NOTCH2NLR: variants seen among roughly 807,000 people sequenced by gnomAD.
NOTCH2NLR encodes the protein notch 2 N-terminal like R (pseudogene).
Under a neutral mutation model 35.6 loss-of-function variants are expected in NOTCH2NLR, and 33 were observed. That is an observed-to-expected ratio of 0.93 (90% CI 0.70 to 1.24). NOTCH2NLR has a LOEUF of 1.24. Ranked by LOEUF, NOTCH2NLR falls within the 50% of genes most tolerant of loss-of-function variation. The pLI is 0.00. For synonymous variants in NOTCH2NLR, 103 were observed against 141.0 expected, an observed-to-expected ratio of 0.73 and a Z score of 1.91; for missense variants, 276 against 362.2, an observed-to-expected ratio of 0.76 and a Z score of 1.93.
rs1394297645 is a variant in NOTCH2NLR, at chr1:120,785,033, G to A, written c.215G>A (p.Arg72His). 71 of 1,439,744 alleles carry A rather than the reference G, an allele frequency of 4.9e-5. 17 individuals carry two copies. The highest frequency in any genetic ancestry group is 1.8e-4 in the Middle Eastern group (1 of 5,646). 89.2% of individuals were successfully genotyped at this position (1,439,744 alleles called of 1,614,324 possible). Residue 72 changes from arginine (R) to histidine (H), a missense_variant, in exon 3 of 5, where the codon CGC becomes CAC. By Grantham distance (29) the Arg-to-His change is conservative. Coordinates refer to ENST00000624419, the Ensembl canonical transcript of NOTCH2NLR. ...CATCGAGACCCCTGTGAGAAGAACC[G>A]CTGCCAGAATGGTGGGACTTGTGTG...
exon 4 of NOTCH2NLR, chr1:120,793,254 G>A: frequency 1.4e-6 from 2 of 1,423,264 alleles, no homozygotes; most frequent in South Asian, 1.2e-5. Flanking sequence ...TCCTGCAAAT[G>A]CCTCACAGGC....
rs1651392321 is a variant in NOTCH2NLR, at chr1:120,783,768, A to G, written c.156-1206A>G. 1.7e-5 allele frequency among the ~76,000 whole-genome samples: 2 copies of G among 116,496 alleles called. 1 individual carries two copies. The highest frequency in any genetic ancestry group is 1.0e-4 in the African/African-American group (2 of 19,848). The allele number at this position is 116,496 out of a possible 152,430, so 76.4% of individuals were successfully genotyped here. ...AGGGTGGCCATAATATATGGGGAAG[A>G]AGGAGAAATCAGCAATCCAGACTAA... On this transcript the variant is annotated intron_variant, in intron 2 of 4. Coordinates refer to ENST00000624419, the Ensembl canonical transcript of NOTCH2NLR.
intron 2 of NOTCH2NLR, among the ~76,000 whole-genome samples, chr1:120,765,936 C>T (rs1468652877): frequency 1.4e-5 from 1 of 69,964 alleles, no homozygotes; most frequent in Non-Finnish European, 2.4e-5. Context: ...ACAATGAGAA[C>T]ACATGGACAC....
chr1:120,788,015 G>T (rs1269886916), intron 3 of NOTCH2NLR, among the ~76,000 whole-genome samples: 7 of 40,540 alleles, frequency 1.7e-4, no homozygotes, highest in Non-Finnish European at 2.9e-4. Context: ...CACCTCAGCA[G>T]GTTGTGTTTT....
intron 2 of NOTCH2NLR, 62 bp from the exon 3 acceptor site, chr1:120,784,912 T>C: frequency 2.0e-6 from 2 of 1,008,510 alleles, no homozygotes; most frequent in Non-Finnish European, 2.9e-6. Context: ...ATTGTTTTAC[T>C]GTAATTTTTT....
intron 3 of NOTCH2NLR, among the ~76,000 whole-genome samples, chr1:120,792,471 AG>A (rs1651502353): frequency 1.0e-5 from 1 of 100,114 alleles, no homozygotes. Flanking sequence ...TTGCCAAGAT[AG>A]GGAGAGTTCA....
At chr1:120,756,298 A>G (rs1351661434) in intron 1 of NOTCH2NLR, among the ~76,000 whole-genome samples, 1 of 115,586 alleles carries the variant, frequency 8.7e-6, no homozygotes, top group African/African-American at 5.0e-5. Flanking sequence ...GCAGCCAACC[A>G]CAGCCAAGAT....
intron 1 of NOTCH2NLR, among the ~76,000 whole-genome samples, chr1:120,762,460 C>T (rs2101406470): frequency 9.5e-6 from 1 of 105,148 alleles, no homozygotes; most frequent in Admixed American, 9.3e-5. Flanking sequence ...GATGGCCAGG[C>T]CTAGCGTCTC....
intron 2 of NOTCH2NLR, among the ~76,000 whole-genome samples, chr1:120,765,191 C>A (rs1178556489): frequency 4.2e-5 from 5 of 118,690 alleles, no homozygotes; most frequent in Non-Finnish European, 8.4e-5. Flanking sequence ...GGTGCATTCT[C>A]CTCTAAGAAT....
At position 120,789,513 on chromosome 1, in the gene NOTCH2NLR, G is replaced by A. The variant is rs1651459911; in HGVS notation, c.416-3648G>A. Among the ~76,000 whole-genome samples, 3 of 113,252 alleles carry A rather than the reference G, an allele frequency of 2.6e-5. No individual in the cohort carries two copies. In the East Asian group the frequency reaches 6.6e-4, roughly 25 times the overall value. The allele number at this position is 113,252 out of a possible 152,430, so 74.3% of individuals were successfully genotyped here. On this transcript the variant is annotated intron_variant, in intron 3 of 4. Coordinates refer to ENST00000624419, the Ensembl canonical transcript of NOTCH2NLR. ...AAGAAGCAAAAGCAGAACCCCTGAG[G>A]AACCCATCAGATCTCATGAGACTTA...
chr1:120,745,826 A>C (rs1175545547), intron 1 of NOTCH2NLR, among the ~76,000 whole-genome samples: 2 of 92,440 alleles, frequency 2.2e-5, no homozygotes, highest in Admixed American at 2.2e-4. Context: ...AAAAAAAAAA[A>C]AAAAAAAAAC....
chr1:120,784,301 T>C (rs2101452839), intron 2 of NOTCH2NLR, among the ~76,000 whole-genome samples: 1 of 117,724 alleles, frequency 8.5e-6, no homozygotes. Context: ...TTGTACCTCA[T>C]ATGTAAGTAT....
Position 120,784,995 on chromosome 1 carries a change from G to T in NOTCH2NLR, c.177G>T (p.Gly59=), listed in dbSNP as rs1231550113. 2.5e-5 allele frequency: 36 copies of T among 1,421,406 alleles called. 6 individuals are homozygous for T. The highest frequency in any genetic ancestry group is 3.4e-5 in the Non-Finnish European group (36 of 1,061,742). The allele number at this position is 1,421,406 out of a possible 1,614,324, so 88.0% of individuals were successfully genotyped here. A position where few individuals can be genotyped will look rare whatever the true frequency, so the allele number is the denominator to read the frequency against. The change falls in exon 3 of 5, where the codon GGG becomes GGT. Residue 59 remains glycine, a synonymous_variant. Transcript: ENST00000624419. ...ACAGATGTCCAGAAGGCTTCTTGGG[G>T]GAATATTGTCAACATCGAGACCCCT...
In NOTCH2NLR at chr1:120,737,766, G is replaced by GT. The variant is rs1377986145; in HGVS notation, c.73+13518dup. Reference sequence around the variant, plus strand: ...AATTGGATTAGCCTGGACTGGTGGAGTTACTTTCTCAGAAAAGGGCTTTAT... The same window carrying GT: ...AATTGGATTAGCCTGGACTGGTGGAGTTTACTTTCTCAGAAAAGGGCTTTAT... On this transcript the variant is annotated intron_variant, in intron 1 of 4. Coordinates refer to ENST00000624419, the Ensembl canonical transcript of NOTCH2NLR. 1.6e-5 allele frequency among the ~76,000 whole-genome samples: 2 copies of GT among 124,252 alleles called. 1 individual carries two copies. Among genetic ancestry groups the GT allele is most frequent in the African/African-American group, 7.7e-5 (2 of 26,006 alleles). 81.5% of individuals were successfully genotyped at this position (124,252 alleles called of 152,430 possible). A position where few individuals can be genotyped will look rare whatever the true frequency, so the allele number is the denominator to read the frequency against.
intron 1 of NOTCH2NLR, among the ~76,000 whole-genome samples, chr1:120,724,696 T>G (rs1212900378): frequency 8.0e-6 from 1 of 124,640 alleles, no homozygotes; most frequent in Non-Finnish European, 1.6e-5. Flanking sequence ...CCAAACGGCC[T>G]GCAGCTTCGC....
chr1:120,759,730 G>T lies in NOTCH2NLR; in HGVS notation c.74-3898G>T, dbSNP rs1331395568. Among the ~76,000 whole-genome samples, 8 of 112,954 alleles carry T rather than the reference G, an allele frequency of 7.1e-5. 2 individuals carry two copies. The highest frequency in any genetic ancestry group is 3.4e-4 in the Admixed American group (4 of 11,698). 74.1% of individuals were successfully genotyped at this position (112,954 alleles called of 152,430 possible). A position where few individuals can be genotyped will look rare whatever the true frequency, so the allele number is the denominator to read the frequency against. On this transcript the variant is annotated intron_variant, in intron 1 of 4. Coordinates refer to ENST00000624419, the Ensembl canonical transcript of NOTCH2NLR. ...AAATTAGAATTGTCAATTTATAGTT[G>T]TATACATTTATAGGGTACAAAGTGA... is the stretch of plus-strand genomic sequence containing the variant.
exon 3 of NOTCH2NLR, chr1:120,785,088 C>G: frequency 6.9e-7 from 1 of 1,446,258 alleles, no homozygotes; most frequent in Non-Finnish European, 9.2e-7. Context: ...AAGCCACGTG[C>G]CGGTGTGCCT....
At chr1:120,727,926 C>A (rs1650833577) in intron 1 of NOTCH2NLR, among the ~76,000 whole-genome samples, 1 of 118,576 alleles carries the variant, frequency 8.4e-6, no homozygotes, top group African/African-American at 4.7e-5. Context: ...GACCAGAATT[C>A]TTCTCCAGGT....
At chr1:120,745,815 CAAAA>C (rs1357711195) in intron 1 of NOTCH2NLR, among the ~76,000 whole-genome samples, 3 of 15,532 alleles carry the variant, frequency 1.9e-4, no homozygotes, top group Non-Finnish European at 3.1e-4. Flanking sequence ...GACTGCATCT[CAAAA>C]AAAAAAAAAA....
Sources: gnomAD v4.1 joint callset for allele counts (sites outside exome capture counted in the v4.1 genomes callset) on GRCh38, gnomAD v4.1.1 for gene constraint, MANE v1.5 for transcripts, NCBI Gene and HGNC (gene_info 2026-07-23, HGNC 2026-07-21) for gene names.